Variants in MCC observed in about 807,000 individuals in gnomAD.
The protein encoded by MCC is MCC regulator of Wnt signaling pathway, also known as colorectal mutant cancer protein.
A neutral mutation model predicts 116.2 loss-of-function variants in MCC; 90 were observed. The observed-to-expected ratio is 0.77, with a 90% confidence interval of 0.65 to 0.92. The LOEUF (loss-of-function observed/expected upper bound fraction) is 0.92. MCC is among the 40% of genes least tolerant of loss of function. The pLI is 0.00. For missense variants in MCC, 1,516 were observed against 1,312.2 expected, an observed-to-expected ratio of 1.16 and a Z score of -2.40; for synonymous variants, 578 against 510.5, an observed-to-expected ratio of 1.13 and a Z score of -1.78.
rs35373724 is a variant in MCC, at chr5:113,212,474, G to GA, written c.628-61053dup. Among the ~76,000 whole-genome samples, 27 of 149,842 alleles carry GA rather than the reference G, an allele frequency of 1.8e-4. No individual in the cohort carries two copies. The East Asian group carries it at 4.3e-3, about 24-fold the overall frequency. On this transcript the variant is annotated intron_variant, in intron 3 of 18. Transcript: ENST00000408903. ...ACCACATGCAGCCTCATCTCACACCGAAAAAAAAAGATCTCACGTTGCAGA... is the reference window on the plus strand; with the variant it reads ...ACCACATGCAGCCTCATCTCACACCGAAAAAAAAAAGATCTCACGTTGCAGA...
Position 113,111,696 on chromosome 5 carries a change from A to G in MCC, c.1028-7341T>C, listed in dbSNP as rs182190042. On this transcript the variant is annotated intron_variant, in intron 6 of 18. Transcript: ENST00000408903. ...CTTCATTATATCAATTAACCATAAA[A>G]CTGGTATCGTTACACGTCATTTCAT... Among the ~76,000 whole-genome samples the G allele has an allele frequency of 3.0e-3, 450 of 152,294 alleles. 2 individuals are homozygous for G. Among genetic ancestry groups the G allele is most frequent in the Non-Finnish European group, 5.5e-3 (372 of 68,020 alleles).
In MCC at chr5:113,027,342, T is replaced by C; in HGVS notation, c.3020A>G (p.Glu1007Gly). Residue 1007 changes from glutamate (E) to glycine (G), a missense_variant, in exon 19 of 19, where the codon GAG (glutamate) becomes GGG (glycine). Coordinates refer to ENST00000408903, the MANE Select transcript of MCC (RefSeq NM_001085377.2). ...MLKQRIALLEEENSRPHTNET... is the reference protein window; with the variant it reads ...MLKQRIALLEGENSRPHTNET... The stretch of plus-strand genomic sequence containing the variant: ...ATTGGTGTGTGGCCTGGAGTTCTCC[T>C]CCTCTAGCAGAGCTATTCTTTGCTT... 6.2e-7 allele frequency: 1 copy of C among 1,614,188 alleles called. No homozygotes were observed. Among genetic ancestry groups the C allele is most frequent in the South Asian group, 1.1e-5 (1 of 91,080 alleles).
At chr5:113,268,398 G>A (rs1765492196) in intron 3 of MCC, among the ~76,000 whole-genome samples, 2 of 152,138 alleles carry the variant, frequency 1.3e-5, no homozygotes, top group South Asian at 4.2e-4. Context: ...TTACAGAAAG[G>A]CCCTTAGGAT....
chr5:113,313,815 TTTTGTTTG>T (rs148186587), intron 3 of MCC, among the ~76,000 whole-genome samples: 4 of 151,426 alleles, frequency 2.6e-5, no homozygotes, highest in Admixed American at 6.6e-5. Context: ...TTTTGTTTTG[TTTTGTTTG>T]TTTGTTTGTT....
At position 113,075,898 on chromosome 5, in the gene MCC, A is replaced by G. The variant is rs115590297; in HGVS notation, c.1785-4664T>C. Among the ~76,000 whole-genome samples, 420 of 152,240 alleles carry G rather than the reference A, an allele frequency of 2.8e-3. 3 individuals are homozygous for G. Among genetic ancestry groups the G allele is most frequent in the Non-Finnish European group, 4.6e-3 (313 of 68,010 alleles). ...CTCCTGAAGCCAGTGAGTCCACGAT[A>G]CCACCAGAAGGAACCAACAACTCCA... On this transcript the variant is annotated intron_variant, in intron 11 of 18. Transcript: ENST00000408903.
At chr5:113,034,465 G>C (rs575606439) in intron 17 of MCC, among the ~76,000 whole-genome samples, 16 of 150,142 alleles carry the variant, frequency 1.1e-4, no homozygotes, top group African/African-American at 3.3e-4. Flanking sequence ...TCTGTGATTA[G>C]AGTCCAATTG....
Position 113,373,769 on chromosome 5 carries a change from A to G in MCC, c.415+11199T>C, listed in dbSNP as rs1283026505. On this transcript the variant is annotated intron_variant, in intron 2 of 18. Transcript: ENST00000408903. ...ATACTGTCATGTAATATCCTTAATTATGTTCATAATTTTAAAACAAGATTT... is the reference window on the plus strand; with the variant it reads ...ATACTGTCATGTAATATCCTTAATTGTGTTCATAATTTTAAAACAAGATTT... Among the ~76,000 whole-genome samples the G allele has an allele frequency of 2.0e-5, 3 of 152,254 alleles. No homozygotes were observed. In the South Asian group the frequency reaches 6.2e-4, roughly 31 times the overall value.
In MCC at chr5:113,022,634, C is replaced by T. The variant is rs1173228549; in HGVS notation, c.*4668G>A. On this transcript the variant is annotated 3_prime_UTR_variant, in exon 19 of 19. Transcript: ENST00000408903. ...GCACTATAAGTGAATACTATGAGTT[C>T]TACAAACAGAACATTTTTCCACATG... 6.6e-6 allele frequency: 1 copy of T among 152,158 alleles called. No homozygotes were observed. Among genetic ancestry groups the T allele is most frequent in the African/African-American group, 2.4e-5 (1 of 41,426 alleles). The allele number at this position is 152,158 out of a possible 1,614,324, so 9.4% of individuals were successfully genotyped here. A position where few individuals can be genotyped will look rare whatever the true frequency, so the allele number is the denominator to read the frequency against.
At chr5:113,400,216 G>A (rs1406270014) in intron 1 of MCC, among the ~76,000 whole-genome samples, 1 of 138,324 alleles carries the variant, frequency 7.2e-6, no homozygotes, top group Non-Finnish European at 1.5e-5. Flanking sequence ...TTCCCCTCCC[G>A]GGTTCAAGTG....
At chr5:113,137,169 C>A (rs370495878) in intron 5 of MCC, among the ~76,000 whole-genome samples, 1 of 152,164 alleles carries the variant, frequency 6.6e-6, no homozygotes, top group East Asian at 1.9e-4. Flanking sequence ...GAAGCAGGCA[C>A]CTTCTCAAGG....
At chr5:113,202,784 ATTT>A (rs1213269140) in intron 3 of MCC, among the ~76,000 whole-genome samples, 560 of 34,274 alleles carry the variant, frequency 0.016, 3 homozygotes, top group African/African-American at 0.024. Flanking sequence ...TTTGCCCTTT[ATTT>A]AAAAAAAAAA....
At chr5:113,283,203 G>C (rs369306522) in intron 3 of MCC, among the ~76,000 whole-genome samples, 1 of 152,172 alleles carries the variant, frequency 6.6e-6, no homozygotes, top group Non-Finnish European at 1.5e-5. Context: ...ACTCCTACTG[G>C]AAATACCAAG....
chr5:113,149,235 C>A (rs1359971757), intron 4 of MCC, among the ~76,000 whole-genome samples: 4 of 150,114 alleles, frequency 2.7e-5, no homozygotes, highest in Non-Finnish European at 4.4e-5. Flanking sequence ...TAACTATTTT[C>A]TCTTAAAAAA....
At chr5:113,187,360 C>T (rs926613833) in intron 3 of MCC, among the ~76,000 whole-genome samples, 7 of 152,110 alleles carry the variant, frequency 4.6e-5, no homozygotes, top group Non-Finnish European at 1.0e-4. Context: ...CCGCCTGCCT[C>T]GGCTTCCCAA....
At chr5:113,353,735 T>C (rs1247541936) in intron 2 of MCC, among the ~76,000 whole-genome samples, 1 of 152,238 alleles carries the variant, frequency 6.6e-6, no homozygotes, top group Admixed American at 6.5e-5. Flanking sequence ...GTTAGCAAAG[T>C]GCATGAGGCA....
At chr5:113,277,042 TTATAAC>T (rs1429770770) in intron 3 of MCC, among the ~76,000 whole-genome samples, 1 of 151,918 alleles carries the variant, frequency 6.6e-6, no homozygotes, top group African/African-American at 2.4e-5. Context: ...AAAGAAATCT[TTATAAC>T]TAAAGACATA....
intron 1 of MCC, among the ~76,000 whole-genome samples, chr5:113,480,905 G>A (rs140787417): frequency 1.6e-3 from 248 of 152,222 alleles, no homozygotes; most frequent in African/African-American, 5.7e-3. Flanking sequence ...CTCCTGAGTA[G>A]CCAGTACTAC....
intron 2 of MCC, 100 bp downstream of exon 2, chr5:113,384,868 T>C: frequency 7.1e-7 from 1 of 1,415,676 alleles, no homozygotes; most frequent in South Asian, 1.3e-5. Context: ...CAGTATGAGC[T>C]GAGGCTGTGG....
chr5:113,075,832 T>A (rs1297073455), intron 11 of MCC, among the ~76,000 whole-genome samples: 3 of 152,188 alleles, frequency 2.0e-5, no homozygotes, highest in Non-Finnish European at 2.9e-5. Context: ...CCGCGCCACC[T>A]TTAAGAGCTG....
Sources: gnomAD v4.1 joint callset for allele counts (sites outside exome capture counted in the v4.1 genomes callset) on GRCh38, gnomAD v4.1.1 for gene constraint, MANE v1.5 for transcripts, NCBI Gene and HGNC (gene_info 2026-07-23, HGNC 2026-07-21) for gene names.